Variants in DPY19L3 observed in about 807,000 individuals in gnomAD.
DPY19L3 encodes dpy-19 like C-mannosyltransferase 3.
In DPY19L3, 51 loss-of-function variants were observed where a neutral mutation model predicts 92.3. The observed-to-expected ratio is 0.55, with a 90% CI of 0.44 to 0.70. The LOEUF (loss-of-function observed/expected upper bound fraction) is 0.70, where lower values mean the gene tolerates loss of function less well. Ranked by LOEUF, DPY19L3 falls within the 30% of genes least tolerant of loss-of-function variation. The pLI is 0.00. For missense variants in DPY19L3, 706 were observed against 855.9 expected, an observed-to-expected ratio of 0.82 and a Z score of 2.18; for synonymous variants, 309 against 315.2, an observed-to-expected ratio of 0.98 and a Z score of 0.21.
At chr19:32,411,203 T>C (rs376086147) in intron 2 of DPY19L3, 36 bp from the exon 3 acceptor site, 195 of 1,583,448 alleles carry the variant, frequency 1.2e-4, no homozygotes, top group Non-Finnish European at 1.7e-4. Context: ...ATTTTTTTAC[T>C]GACTTAGTTA....
rs1431746577 is a variant in DPY19L3, at chr19:32,483,286, G to A, written c.*1046G>A. On this transcript the variant is annotated 3_prime_UTR_variant, in exon 19 of 19. Transcript: ENST00000392250. ...CAATCTTACTGGGAAGGCCCTGGTA[G>A]TGTAATTCTTTTCCTTATTAAAAGG... 2 of 152,680 alleles carry A rather than the reference G, an allele frequency of 1.3e-5. No individual in the cohort carries two copies. Among genetic ancestry groups the A allele is most frequent in the South Asian group, 2.1e-4 (1 of 4,828 alleles). 9.5% of individuals were successfully genotyped at this position (152,680 alleles called of 1,614,324 possible). A position where few individuals can be genotyped will look rare whatever the true frequency, so the allele number is the denominator to read the frequency against.
intron 4 of DPY19L3, among the ~76,000 whole-genome samples, chr19:32,433,053 GT>G (rs1040347957): frequency 1.3e-5 from 2 of 152,110 alleles, no homozygotes; most frequent in African/African-American, 4.8e-5. Context: ...CAATTTCATG[GT>G]TTTGTTGCTG....
At chr19:32,434,873 CTCT>C (rs1355523776) in intron 4 of DPY19L3, among the ~76,000 whole-genome samples, 2 of 152,100 alleles carry the variant, frequency 1.3e-5, no homozygotes, top group African/African-American at 4.8e-5. Flanking sequence ...TCTCTGGTGT[CTCT>C]TCTTGTAAGG....
chr19:32,443,782 G>A (rs185353929), intron 8 of DPY19L3, among the ~76,000 whole-genome samples: 3 of 152,102 alleles, frequency 2.0e-5, no homozygotes, highest in Non-Finnish European at 2.9e-5. Context: ...TTCTTAGGCC[G>A]AGCGCAGTGG....
At chr19:32,460,445 A>G (rs1165060454) in intron 12 of DPY19L3, among the ~76,000 whole-genome samples, 2 of 152,084 alleles carry the variant, frequency 1.3e-5, no homozygotes, top group East Asian at 3.9e-4. Flanking sequence ...AAGATTAAAC[A>G]TTGTATACCT....
At chr19:32,439,370 ATTAAG>A (rs1251824796) in intron 7 of DPY19L3, 135 bp downstream of exon 7, 30 of 971,728 alleles carry the variant, frequency 3.1e-5, no homozygotes, top group Middle Eastern at 2.9e-4. Context: ...CTTGAGTTAA[ATTAAG>A]TTTTCTTTTC....
chr19:32,460,938 T>C (rs1221541173), intron 12 of DPY19L3, among the ~76,000 whole-genome samples: 3 of 152,198 alleles, frequency 2.0e-5, no homozygotes, highest in Non-Finnish European at 4.4e-5. Context: ...CAATCTCGGC[T>C]CACTGCAACC....
At chr19:32,432,446 C>T (rs1969000009) in intron 3 of DPY19L3, among the ~76,000 whole-genome samples, 1 of 151,844 alleles carries the variant, frequency 6.6e-6, no homozygotes, top group Admixed American at 6.6e-5. Flanking sequence ...TGTCTCACTG[C>T]TATTACATAG....
intron 12 of DPY19L3, among the ~76,000 whole-genome samples, chr19:32,462,394 T>G (rs1458448730): frequency 6.6e-6 from 1 of 152,136 alleles, no homozygotes; most frequent in Non-Finnish European, 1.5e-5. Flanking sequence ...AATGGTTTAT[T>G]TCTGGAATTT....
intron 3 of DPY19L3, among the ~76,000 whole-genome samples, chr19:32,421,541 T>C (rs1968566681): frequency 6.6e-6 from 1 of 150,472 alleles, no homozygotes. Flanking sequence ...AGCAGGAGAA[T>C]CGCTTGAACC....
At chr19:32,460,239 GA>G (rs949811248) in intron 12 of DPY19L3, among the ~76,000 whole-genome samples, 1 of 147,412 alleles carries the variant, frequency 6.8e-6, no homozygotes, top group African/African-American at 2.5e-5. Flanking sequence ...CATCTCTACG[GA>G]AAAAAAAAAG....
chr19:32,457,074 A>C (rs1969889124), intron 10 of DPY19L3, among the ~76,000 whole-genome samples: 1 of 152,190 alleles, frequency 6.6e-6, no homozygotes, highest in Non-Finnish European at 1.5e-5. Context: ...CAGTTCTTGC[A>C]TTGGCCCACT....
chr19:32,419,613 T>C (rs1047637725), intron 3 of DPY19L3, among the ~76,000 whole-genome samples: 6 of 151,946 alleles, frequency 3.9e-5, no homozygotes, highest in Non-Finnish European at 8.8e-5. Context: ...TTTTCATTTT[T>C]TGTAGAGACA....
intron 16 of DPY19L3, among the ~76,000 whole-genome samples, chr19:32,469,302 G>T (rs560136112): frequency 4.6e-5 from 7 of 152,164 alleles, no homozygotes; most frequent in Non-Finnish European, 7.4e-5. Flanking sequence ...TTCAAGACTA[G>T]CCTGGCCAAC....
At chr19:32,406,249 T>A (rs557982898) in intron 1 of DPY19L3, 1 of 152,588 alleles carries the variant, frequency 6.6e-6, no homozygotes, top group East Asian at 1.9e-4. Flanking sequence ...GCTGCCCCTG[T>A]CCTTGGAGAC....
chr19:32,463,736 G>T, intron 13 of DPY19L3, 133 bp from the exon 14 acceptor site: 2 of 888,672 alleles, frequency 2.3e-6, no homozygotes, highest in South Asian at 1.7e-5. Context: ...CGAACCCTTC[G>T]GCAAATGGCA....
chr19:32,459,248 G>A (rs1470557475), intron 12 of DPY19L3, among the ~76,000 whole-genome samples: 1 of 152,194 alleles, frequency 6.6e-6, no homozygotes, highest in Non-Finnish European at 1.5e-5. Context: ...GCTGCTGGGG[G>A]GGTTTGCATT....
chr19:32,413,185 A>G (rs1968252572), intron 3 of DPY19L3: 1 of 152,214 alleles, frequency 6.6e-6, no homozygotes, highest in South Asian at 2.1e-4. Flanking sequence ...CTTCAAAGCC[A>G]AAGATGTGTA....
chr19:32,427,006 G>T (rs1324935878), intron 3 of DPY19L3, among the ~76,000 whole-genome samples: 1 of 152,084 alleles, frequency 6.6e-6, no homozygotes, highest in Non-Finnish European at 1.5e-5. Flanking sequence ...TTGTTTGTTT[G>T]TTTTTGAGGC....
Sources: allele counts gnomAD v4.1 joint callset (sites outside exome capture counted in the v4.1 genomes callset), GRCh38; gene constraint gnomAD v4.1.1; transcripts MANE v1.5; gene names NCBI Gene and HGNC (gene_info 2026-07-23, HGNC 2026-07-21).